The following RHBDL2 variants were observed in gnomAD, a reference collection of about 807,000 sequenced individuals.
The protein encoded by RHBDL2 is rhomboid-related protein 2.
RHBDL2 carries 26 observed loss-of-function variants against 31.7 expected under a neutral mutation model. That is an observed-to-expected ratio of 0.82 (90% confidence interval 0.60 to 1.14). RHBDL2 has a LOEUF of 1.14. Ranked by LOEUF, RHBDL2 falls within the 50% of genes most tolerant of loss-of-function variation. The pLI is 0.00. For missense variants in RHBDL2, 336 were observed against 364.4 expected (o/e 0.92, Z 0.63); for synonymous variants, 123 against 127.2 (o/e 0.97, Z 0.22).
intron 1 of RHBDL2, among the ~76,000 whole-genome samples, chr1:38,925,200 T>C (rs1465420186): frequency 6.6e-6 from 1 of 152,002 alleles, no homozygotes; most frequent in Non-Finnish European, 1.5e-5. Flanking sequence ...CAAAATTACA[T>C]TGTAAAGTAT....
Position 38,886,216 on chromosome 1 carries a change from A to T in RHBDL2, c.*288T>A, listed in dbSNP as rs1457662979. 1 of 181,494 alleles carries T rather than the reference A, an allele frequency of 5.5e-6. No homozygotes were observed. Among genetic ancestry groups the T allele is most frequent in the Non-Finnish European group, 1.1e-5 (1 of 87,458 alleles). The allele number at this position is 181,494 out of a possible 1,614,324, so 11.2% of individuals were successfully genotyped here. A position where few individuals can be genotyped will look rare whatever the true frequency, so the allele number is the denominator to read the frequency against. ...TGATTTCACCCGCCTCAGCCTCCCA[A>T]AGTGCTGGGATTACAGGCGTGAGCC... On this transcript the variant is annotated 3_prime_UTR_variant, in exon 8 of 8. Transcript: ENST00000372990.
At chr1:38,897,387 A>G (rs1011360852) in intron 4 of RHBDL2, among the ~76,000 whole-genome samples, 1 of 152,090 alleles carries the variant, frequency 6.6e-6, no homozygotes, top group African/African-American at 2.4e-5. Context: ...GGCGTGAGCC[A>G]TTGCGCCCGG....
chr1:38,904,345 C>T (rs975031402), intron 4 of RHBDL2, among the ~76,000 whole-genome samples: 1 of 151,884 alleles, frequency 6.6e-6, no homozygotes, highest in South Asian at 2.1e-4. Flanking sequence ...TGGTGGTGTG[C>T]GCCTGTAATC....
intron 1 of RHBDL2, among the ~76,000 whole-genome samples, chr1:38,922,776 T>A (rs1386708726): frequency 6.6e-6 from 1 of 151,718 alleles, no homozygotes; most frequent in African/African-American, 2.4e-5. Context: ...GAGGAAATAT[T>A]ACCTATTAGA....
intron 5 of RHBDL2, among the ~76,000 whole-genome samples, chr1:38,894,707 C>CTTTTTTTTTTTTTTTTTTTTTTT (rs71057159): frequency 4.4e-5 from 5 of 114,192 alleles, no homozygotes; most frequent in Admixed American, 2.1e-4. Flanking sequence ...CTTTTTTTTT[C>CTTTTTTTTTTTTTTTTTTTTTTT]TTTTTTTTTT....
intron 4 of RHBDL2, among the ~76,000 whole-genome samples, chr1:38,908,650 A>C (rs971197480): frequency 6.6e-6 from 1 of 152,178 alleles, no homozygotes; most frequent in East Asian, 1.9e-4. Context: ...CTGCTGCTCA[A>C]ACCTCTGGGG....
intron 3 of RHBDL2, among the ~76,000 whole-genome samples, chr1:38,913,843 G>A (rs771245718): frequency 6.6e-6 from 1 of 152,206 alleles, no homozygotes; most frequent in Non-Finnish European, 1.5e-5. Context: ...AGGCGGCCGG[G>A]CACAGTGGCT....
At chr1:38,887,910 C>G (rs1642806225) in intron 7 of RHBDL2, 53 bp downstream of exon 7, 14 of 1,339,836 alleles carry the variant, frequency 1.0e-5, no homozygotes, top group East Asian at 2.3e-5. Flanking sequence ...TTTGATAACC[C>G]TTTTTGACAG....
At chr1:38,904,715 A>C (rs1643039129) in intron 4 of RHBDL2, among the ~76,000 whole-genome samples, 1 of 148,898 alleles carries the variant, frequency 6.7e-6, no homozygotes, top group Non-Finnish European at 1.5e-5. Flanking sequence ...TATGTGTACT[A>C]TATATATAGT....
At chr1:38,899,479 C>T (rs536207271) in intron 4 of RHBDL2, among the ~76,000 whole-genome samples, 2 of 152,276 alleles carry the variant, frequency 1.3e-5, no homozygotes, top group East Asian at 3.9e-4. Flanking sequence ...GAGTGCTCAG[C>T]CTTCACTGTC....
At chr1:38,896,278 G>T (rs1642917832) in intron 4 of RHBDL2, among the ~76,000 whole-genome samples, 1 of 152,196 alleles carries the variant, frequency 6.6e-6, no homozygotes, top group South Asian at 2.1e-4. Flanking sequence ...CATTAGAACA[G>T]CAACATAGCA....
At chr1:38,893,583 A>G (rs905791637) in intron 5 of RHBDL2, among the ~76,000 whole-genome samples, 1 of 152,194 alleles carries the variant, frequency 6.6e-6, no homozygotes, top group African/African-American at 2.4e-5. Flanking sequence ...GTTAATATTC[A>G]TTTGATGTTT....
At chr1:38,887,450 A>G (rs546461313) in intron 7 of RHBDL2, among the ~76,000 whole-genome samples, 1 of 151,626 alleles carries the variant, frequency 6.6e-6, no homozygotes, top group African/African-American at 2.4e-5. Context: ...TTTTTGAGAC[A>G]GAGTCACTCT....
intron 5 of RHBDL2, among the ~76,000 whole-genome samples, chr1:38,895,507 T>G (rs929835259): frequency 1.6e-4 from 24 of 152,108 alleles, no homozygotes; most frequent in African/African-American, 5.8e-4. Context: ...AAAAAAATGA[T>G]AACATATGAA....
chr1:38,891,069 G>A (rs886604620), intron 6 of RHBDL2, among the ~76,000 whole-genome samples: 6 of 151,888 alleles, frequency 4.0e-5, no homozygotes, highest in Non-Finnish European at 8.8e-5. Context: ...AGGAGTTCGA[G>A]ACCAGCCTGA....
intron 6 of RHBDL2, among the ~76,000 whole-genome samples, chr1:38,890,510 C>T (rs990565782): frequency 6.6e-6 from 1 of 152,158 alleles, no homozygotes; most frequent in East Asian, 1.9e-4. Flanking sequence ...ACCAGTTTCT[C>T]TCATCTTGCC....
At chr1:38,925,061 T>A (rs72938853) in intron 1 of RHBDL2, among the ~76,000 whole-genome samples, 2 of 151,512 alleles carry the variant, frequency 1.3e-5, no homozygotes, top group Non-Finnish European at 2.9e-5. Flanking sequence ...GATTATAGGC[T>A]TAAACCACCA....
rs540050948 is a variant in RHBDL2, at chr1:38,902,800, C to T, written c.509-6731G>A. Among the ~76,000 whole-genome samples, 20 of 152,240 alleles carry T rather than the reference C, an allele frequency of 1.3e-4. No homozygotes were observed. The East Asian group carries it at 3.9e-3, about 29-fold the overall frequency. Reference sequence around the variant, plus strand: ...ACTCCTGGGCTCAATGATCTGCCCACCTCAACCTCCCAAAGTGCTGGGATT... The same window carrying T: ...ACTCCTGGGCTCAATGATCTGCCCATCTCAACCTCCCAAAGTGCTGGGATT... On this transcript the variant is annotated intron_variant, in intron 4 of 7. Coordinates refer to ENST00000372990, the MANE Select transcript of RHBDL2 (RefSeq NM_017821.5).
chr1:38,910,910 C>G (rs1643131066), intron 4 of RHBDL2, among the ~76,000 whole-genome samples: 1 of 88,838 alleles, frequency 1.1e-5, no homozygotes, highest in African/African-American at 3.0e-5. Flanking sequence ...CCCTGAGTAG[C>G]TGGGATTATA....
Sources: allele counts gnomAD v4.1 joint callset (sites outside exome capture counted in the v4.1 genomes callset), GRCh38; gene constraint gnomAD v4.1.1; transcripts MANE v1.5; gene names NCBI Gene and HGNC (gene_info 2026-07-23, HGNC 2026-07-21).